Variants in PBRM1 observed in about 807,000 individuals in gnomAD.
PBRM1 encodes protein polybromo-1.
Under a neutral mutation model 194.5 loss-of-function variants are expected in PBRM1, and 27 were observed. The observed-to-expected ratio is 0.14, with a 90% confidence interval of 0.10 to 0.19. The LOEUF is 0.19. PBRM1 is among the 10% of genes least tolerant of loss of function. The pLI is 1.00. For synonymous variants in PBRM1, 655 were observed against 693.2 expected (o/e 0.94, Z 0.87); for missense variants, 1,466 against 2,077.2 (o/e 0.71, Z 5.72).
At chr3:52,570,330 T>G (rs2086650176) in intron 22 of PBRM1, among the ~76,000 whole-genome samples, 1 of 152,150 alleles carries the variant, frequency 6.6e-6, no homozygotes, top group Non-Finnish European at 1.5e-5. Context: ...AGCTAACAAC[T>G]TACTAAACAT....
rs1007800249 is a variant in PBRM1, at chr3:52,571,082, T to C, written c.3691+5459A>G. Among the ~76,000 whole-genome samples the C allele has an allele frequency of 2.0e-5, 3 of 151,120 alleles. No individual in the cohort carries two copies. In the South Asian group the frequency reaches 6.2e-4, roughly 31 times the overall value. ...GCTCATGCCTGTAATCTCAGCACTTTGGGAGGCCGAGGCAGGCGCCTCACG... is the reference window on the plus strand; with the variant it reads ...GCTCATGCCTGTAATCTCAGCACTTCGGGAGGCCGAGGCAGGCGCCTCACG... On this transcript the variant is annotated intron_variant, in intron 22 of 29. Transcript: ENST00000296302.
chr3:52,617,755 C>G lies in PBRM1; in HGVS notation c.1542-217G>C, dbSNP rs187438409. Among the ~76,000 whole-genome samples, 36 of 152,146 alleles carry G rather than the reference C, an allele frequency of 2.4e-4. No homozygotes were observed. The East Asian group carries it at 7.0e-3, about 29-fold the overall frequency. ...TAAAACACAGTAATTCTGGCAGGAGCAGTTAATGAACACCAAAAAAACTTT... is the reference window on the plus strand; with the variant it reads ...TAAAACACAGTAATTCTGGCAGGAGGAGTTAATGAACACCAAAAAAACTTT... On this transcript the variant is annotated intron_variant, in intron 13 of 29. Coordinates refer to ENST00000296302, the Ensembl canonical transcript of PBRM1.
exon 10 of PBRM1, chr3:52,641,968 T>C (rs1252895125): frequency 1.2e-6 from 2 of 1,600,672 alleles, no homozygotes; most frequent in South Asian, 1.1e-5. Context: ...TAAAGCAGCA[T>C]CTTCTTCACT....
chr3:52,604,632 G>A (rs1251815437), intron 16 of PBRM1, among the ~76,000 whole-genome samples: 2 of 151,970 alleles, frequency 1.3e-5, no homozygotes, highest in Admixed American at 6.6e-5. Context: ...GTTCAAGGGT[G>A]CAGTAAGTTA....
chr3:52,638,884 C>T (rs2095939611), intron 10 of PBRM1, among the ~76,000 whole-genome samples: 1 of 150,494 alleles, frequency 6.6e-6, no homozygotes, highest in Non-Finnish European at 1.5e-5. Flanking sequence ...CAGGTGTGAG[C>T]CAGCCTTTTT....
At position 52,594,505 on chromosome 3, in the gene PBRM1, G is replaced by A. The variant is rs1016161886; in HGVS notation, c.2780-5250C>T. ...TGGGATGAGAGATGGGTCTCTTGAA[G>A]ACAGCATCCCATTAGACCTTGCTTA... On this transcript the variant is annotated intron_variant, in intron 17 of 29. Transcript: ENST00000296302. 5.3e-5 allele frequency among the ~76,000 whole-genome samples: 8 copies of A among 152,248 alleles called. No individual in the cohort carries two copies. The East Asian group carries it at 1.5e-3, about 29-fold the overall frequency.
chr3:52,562,142 A>G (rs2083707197), intron 24 of PBRM1, among the ~76,000 whole-genome samples, 174 bp from the exon 27 acceptor site: 1 of 143,738 alleles, frequency 7.0e-6, no homozygotes, highest in Non-Finnish European at 1.5e-5. Context: ...TGACACAGTG[A>G]AACCCCGTTT....
chr3:52,658,333 A>G lies in PBRM1; in HGVS notation c.529-18T>C. The G allele has an allele frequency of 7.5e-7, 1 of 1,339,408 alleles. No homozygotes were observed. The highest frequency in any genetic ancestry group is 1.1e-6 in the Non-Finnish European group (1 of 932,846). The allele number at this position is 1,339,408 out of a possible 1,614,324, so 83.0% of individuals were successfully genotyped here. ...GGAGAAGACTGGTAATGTGGAGAAA[A>G]AAGTACTTTCTAAGAGAAATAATAA... is the stretch of plus-strand genomic sequence containing the variant. On this transcript the variant is annotated intron_variant, in intron 4 of 29. Coordinates refer to ENST00000296302, the Ensembl canonical transcript of PBRM1.
At chr3:52,574,108 C>G (rs1312333062) in intron 22 of PBRM1, among the ~76,000 whole-genome samples, 1 of 152,158 alleles carries the variant, frequency 6.6e-6, no homozygotes, top group African/African-American at 2.4e-5. Context: ...TAACAGAATA[C>G]CACAGACTGG....
At chr3:52,673,893 A>C (rs2097017071) in intron 2 of PBRM1, among the ~76,000 whole-genome samples, 1 of 149,478 alleles carries the variant, frequency 6.7e-6, no homozygotes, top group South Asian at 2.1e-4. Context: ...TCTACTAAAA[A>C]TACAAAAATT....
chr3:52,590,616 T>A (rs964143701), intron 17 of PBRM1, among the ~76,000 whole-genome samples: 1 of 152,194 alleles, frequency 6.6e-6, no homozygotes, highest in African/African-American at 2.4e-5. Flanking sequence ...ATTTATTTTA[T>A]TCCTCCTGAA....
intron 5 of PBRM1, among the ~76,000 whole-genome samples, chr3:52,653,037 A>G (rs1474713920): frequency 6.6e-6 from 1 of 152,114 alleles, no homozygotes; most frequent in Non-Finnish European, 1.5e-5. Context: ...GAATTATACA[A>G]TTTTTCATTT....
chr3:52,634,455 A>G (rs2095729517), intron 11 of PBRM1, 147 bp downstream of exon 12: 2 of 571,118 alleles, frequency 3.5e-6, no homozygotes, highest in Non-Finnish European at 6.1e-6. Context: ...AAAAAAAAAA[A>G]AGGTAATGAA....
intron 3 of PBRM1, among the ~76,000 whole-genome samples, chr3:52,664,637 G>A (rs534138255): frequency 4.0e-5 from 6 of 151,690 alleles, no homozygotes; most frequent in African/African-American, 1.4e-4. Flanking sequence ...CAGGGGCTGA[G>A]GCAGGAGAAT....
intron 13 of PBRM1, among the ~76,000 whole-genome samples, chr3:52,626,091 G>A (rs1475499050): frequency 6.6e-6 from 1 of 152,114 alleles, no homozygotes; most frequent in Non-Finnish European, 1.5e-5. Context: ...TCTTTGATAG[G>A]TGACTGATCT....
chr3:52,620,462 G>C (rs1483421321), intron 13 of PBRM1, among the ~76,000 whole-genome samples: 1 of 152,162 alleles, frequency 6.6e-6, no homozygotes, highest in Non-Finnish European at 1.5e-5. Context: ...GGACCAGGAG[G>C]TGCTCACCCC....
intron 2 of PBRM1, among the ~76,000 whole-genome samples, chr3:52,671,552 T>C (rs113693650): frequency 6.6e-6 from 1 of 152,248 alleles, no homozygotes; most frequent in East Asian, 1.9e-4. Flanking sequence ...TATCTTTTAG[T>C]AGTTACAAGA....
At chr3:52,658,301 G>A (rs755619753) in exon 5 of PBRM1, 1 of 1,596,670 alleles carries the variant, frequency 6.3e-7, no homozygotes. Context: ...TCTCCTTCAA[G>A]TAAGCTGGAG....
exon 1 of PBRM1, chr3:52,679,687 T>C: frequency 6.2e-7 from 1 of 1,613,614 alleles, no homozygotes; most frequent in Non-Finnish European, 8.5e-7. Context: ...GAAGGGGAGG[T>C]AGCTCTTCTT....
Sources: gnomAD v4.1 joint callset for allele counts (sites outside exome capture counted in the v4.1 genomes callset) on GRCh38, gnomAD v4.1.1 for gene constraint, MANE v1.5 for transcripts, NCBI Gene and HGNC (gene_info 2026-07-23, HGNC 2026-07-21) for gene names.